The following ATP2B1 variants were observed in gnomAD, a reference collection of about 807,000 sequenced individuals.
ATP2B1 encodes the protein plasma membrane calcium-transporting ATPase 1.
A neutral mutation model predicts 124.2 loss-of-function variants in ATP2B1; 14 were observed. The observed-to-expected ratio is 0.11, with a 90% CI of 0.07 to 0.18. ATP2B1 has a LOEUF of 0.18. Among genes scored for constraint, ATP2B1 ranks in the 10% least tolerant of loss-of-function variants. ATP2B1 has a pLI of 1.00. For missense variants in ATP2B1, 763 were observed against 1,466.1 expected (o/e 0.52, Z 7.83); for synonymous variants, 449 against 492.4 (o/e 0.91, Z 1.17).
Position 89,630,492 on chromosome 12 carries a change from T to C in ATP2B1, c.928+13A>G, listed in dbSNP as rs1881674688. ...ATTTCCAAATACCAATTATAGAAAA[T>C]TGTTATTCTTACTTTTCTTTTCCTT... On this transcript the variant is annotated intron_variant, in intron 6 of 20. Coordinates refer to ENST00000428670, the MANE Select transcript of ATP2B1 (RefSeq NM_001366521.1). The C allele has an allele frequency of 1.3e-6, 2 of 1,536,978 alleles. No homozygotes were observed. The highest frequency in any genetic ancestry group is 2.4e-5 in the East Asian group (1 of 41,246).
intron 6 of ATP2B1, among the ~76,000 whole-genome samples, chr12:89,628,932 A>G (rs1366742931): frequency 1.3e-5 from 2 of 152,218 alleles, no homozygotes; most frequent in Non-Finnish European, 2.9e-5. Flanking sequence ...TAAGGCAGTC[A>G]AGGGAATGGG....
At chr12:89,615,781 T>C (rs1017075185) in intron 12 of ATP2B1, among the ~76,000 whole-genome samples, 1 of 152,198 alleles carries the variant, frequency 6.6e-6, no homozygotes, top group African/African-American at 2.4e-5. Context: ...TAAGCACATG[T>C]GTTTTAGACA....
chr12:89,698,175 A>G (rs1181887573), intron 1 of ATP2B1, among the ~76,000 whole-genome samples: 1 of 152,216 alleles, frequency 6.6e-6, no homozygotes. Flanking sequence ...TGCTTCCTAA[A>G]GTACTTTTAT....
At chr12:89,709,220 C>G (rs1488140617), upstream of ATP2B1, 2 of 151,262 alleles carry the variant, frequency 1.3e-5, no homozygotes, top group African/African-American at 4.8e-5. Flanking sequence ...AACGCTCACC[C>G]GTTCCGGTCT....
At chr12:89,599,433 G>A in intron 19 of ATP2B1, 134 bp from the exon 20 acceptor site, 2 of 926,466 alleles carry the variant, frequency 2.2e-6, no homozygotes, top group Admixed American at 5.8e-5. Flanking sequence ...GGATCCTGTT[G>A]ATTAGTCTTT....
At chr12:89,617,189 C>T (rs1487827376) in intron 11 of ATP2B1, 150 bp from the exon 12 acceptor site, 7 of 649,014 alleles carry the variant, frequency 1.1e-5, no homozygotes, top group Non-Finnish European at 1.6e-5. Flanking sequence ...CTTAAATTCA[C>T]TTTTCACCCT....
intron 15 of ATP2B1, 53 bp from the exon 16 acceptor site, chr12:89,604,399 AAT>A: frequency 7.1e-7 from 1 of 1,404,256 alleles, no homozygotes; most frequent in Non-Finnish European, 9.7e-7. Context: ...ATAACTTTCA[AAT>A]AGTCAAAAAA....
At position 89,603,049 on chromosome 12, in the gene ATP2B1, C is replaced by T. The variant is rs1233339953; in HGVS notation, c.3054G>A (p.Val1018=). The T allele has an allele frequency of 1.2e-6, 2 of 1,613,260 alleles. No homozygotes were observed. The highest frequency in any genetic ancestry group is 1.7e-6 in the Non-Finnish European group (2 of 1,179,500). Residue 1018 remains valine, a synonymous_variant, in exon 18 of 21, where the codon GTG becomes GTA. Coordinates refer to ENST00000428670, the MANE Select transcript of ATP2B1 (RefSeq NM_001366521.1). The surrounding 1 kb of genome is among the most constrained non-coding windows in gnomAD (Gnocchi z 4.3). ...ATCTTTTCCAATTACCCACCTGTAC[C>T]ACAAAAGTGCCTAAAACAATTGTGC... The part of the protein sequence containing the change: ...IFCTIVLGTF[V]VQIIIVQFGG...
At chr12:89,670,371 A>AT (rs11432601) in intron 1 of ATP2B1, among the ~76,000 whole-genome samples, 104,189 of 147,392 alleles carry the variant, frequency 0.71, 37,024 homozygotes, top group Admixed American at 0.77. Context: ...ATAAAACCGA[A>AT]TTTTTTTTTT....
At chr12:89,621,901 A>G in intron 9 of ATP2B1, 110 bp from the exon 10 acceptor site, 2 of 1,155,912 alleles carry the variant, frequency 1.7e-6, no homozygotes, top group Non-Finnish European at 2.3e-6. Flanking sequence ...CCAGCTTTCT[A>G]TAAATACAAT....
intron 1 of ATP2B1, among the ~76,000 whole-genome samples, chr12:89,703,703 G>T (rs368919719): frequency 6.6e-6 from 1 of 152,060 alleles, no homozygotes; most frequent in Non-Finnish European, 1.5e-5. Context: ...AGTAACCACA[G>T]ATGGATCTTC....
intron 2 of ATP2B1, among the ~76,000 whole-genome samples, chr12:89,643,025 T>C (rs761051474): frequency 9.3e-5 from 14 of 150,906 alleles, no homozygotes; most frequent in Non-Finnish European, 1.9e-4. Context: ...CCTGAGGATA[T>C]TGCCCCCACA....
chr12:89,646,119 C>T (rs960503239), intron 2 of ATP2B1, among the ~76,000 whole-genome samples: 16 of 151,666 alleles, frequency 1.1e-4, no homozygotes, highest in African/African-American at 3.6e-4. Context: ...GAGGGGTCTT[C>T]AAGCACTTAA....
At chr12:89,659,380 A>ACG (rs1017023833) in intron 1 of ATP2B1, among the ~76,000 whole-genome samples, 6 of 151,876 alleles carry the variant, frequency 4.0e-5, no homozygotes, top group Non-Finnish European at 7.4e-5. Flanking sequence ...ACACACACAC[A>ACG]CACGCACAAG....
intron 1 of ATP2B1, among the ~76,000 whole-genome samples, chr12:89,667,836 C>T (rs1004571021): frequency 6.6e-6 from 1 of 152,186 alleles, no homozygotes; most frequent in African/African-American, 2.4e-5. Context: ...AGATTCGGTG[C>T]TATTCCTATC....
intron 10 of ATP2B1, 117 bp from the exon 11 acceptor site, chr12:89,620,357 A>C: frequency 1.6e-6 from 2 of 1,263,724 alleles, no homozygotes; most frequent in Non-Finnish European, 2.2e-6. Flanking sequence ...GTCTAATATC[A>C]ACATTTTAAA....
Position 89,590,060 on chromosome 12 carries a change from G to C in ATP2B1, c.*924C>G, listed in dbSNP as rs1273781072. The C allele has an allele frequency of 6.6e-6, 1 of 152,474 alleles. No homozygotes were observed. Among genetic ancestry groups the C allele is most frequent in the Non-Finnish European group, 1.5e-5 (1 of 67,978 alleles). 9.4% of individuals were successfully genotyped at this position (152,474 alleles called of 1,614,324 possible). A position where few individuals can be genotyped will look rare whatever the true frequency, so the allele number is the denominator to read the frequency against. On this transcript the variant is annotated 3_prime_UTR_variant, in exon 21 of 21. Transcript: ENST00000428670. ...TTGATAGTCTGATTTAATTTGATTT[G>C]CCTGAAATAACAAAAGCATTTCAAG...
At chr12:89,610,176 T>A (rs1458734477) in intron 14 of ATP2B1, 133 bp from the exon 15 acceptor site, 10 of 916,336 alleles carry the variant, frequency 1.1e-5, no homozygotes, top group Non-Finnish European at 1.3e-5. Flanking sequence ...GGAAATTGCT[T>A]AGATGTTGGG....
intron 1 of ATP2B1, among the ~76,000 whole-genome samples, chr12:89,705,255 C>T (rs1174044368): frequency 1.3e-5 from 2 of 151,978 alleles, no homozygotes; most frequent in Non-Finnish European, 2.9e-5. Context: ...CCTCAGATTC[C>T]ACCTAGTCCC....
Sources: allele counts gnomAD v4.1 joint callset (sites outside exome capture counted in the v4.1 genomes callset), GRCh38; gene constraint gnomAD v4.1.1; non-coding constraint Gnocchi (gnomAD v3.1); transcripts MANE v1.5; gene names NCBI Gene and HGNC (gene_info 2026-07-23, HGNC 2026-07-21).